FGF1: variants seen among roughly 807,000 people sequenced by gnomAD.
FGF1 encodes the protein fibroblast growth factor 1, also known as beta-endothelial cell growth factor.
FGF1 carries 9 observed loss-of-function variants against 13.4 expected under a neutral mutation model. That is an observed-to-expected ratio of 0.67 (90% CI 0.40 to 1.17). The LOEUF is 1.17. FGF1 is among the 50% of genes most tolerant of loss of function. The pLI is 0.01. For synonymous variants in FGF1, 93 were observed against 79.0 expected (o/e 1.18, Z -0.94); for missense variants, 156 against 192.7 (o/e 0.81, Z 1.13).
rs985861366 is a variant in FGF1, at chr5:142,592,429, G to GA, written c.*2860dup. ...GTTCATACACACTGTTGGCCATTGT[G>GA]AATCTTTCTTATCATGCCTTCCAAG... On this transcript the variant is annotated 3_prime_UTR_variant, in exon 4 of 4. Coordinates refer to ENST00000337706, the MANE Select transcript of FGF1 (RefSeq NM_000800.5). 3 of 398,408 alleles carry GA rather than the reference G, an allele frequency of 7.5e-6. No homozygotes were observed. The highest frequency in any genetic ancestry group is 6.2e-5 in the African/African-American group (3 of 48,618). The allele number at this position is 398,408 out of a possible 1,614,324, so 24.7% of individuals were successfully genotyped here.
intron 1 of FGF1, among the ~76,000 whole-genome samples, chr5:142,646,208 CTTTTTTTTTTT>C (rs762008952): frequency 0.013 from 697 of 55,036 alleles, 21 homozygotes; most frequent in African/African-American, 0.047. Context: ...CGCACCTGGC[CTTTTTTTTTTT>C]TTTTTTTTTT....
At chr5:142,608,559 T>TACAC (rs1758270712) in intron 2 of FGF1, among the ~76,000 whole-genome samples, 1 of 80,894 alleles carries the variant, frequency 1.2e-5, no homozygotes, top group African/African-American at 7.9e-5. Context: ...TATATATATA[T>TACAC]ATATATATAT....
At chr5:142,638,659 A>T (rs1450082182) in intron 1 of FGF1, among the ~76,000 whole-genome samples, 1 of 152,066 alleles carries the variant, frequency 6.6e-6, no homozygotes, top group Non-Finnish European at 1.5e-5. Context: ...AAAAGCACAG[A>T]CAACAAAAGC....
intron 1 of FGF1, among the ~76,000 whole-genome samples, chr5:142,620,294 T>G (rs1761293608): frequency 6.6e-6 from 1 of 151,982 alleles, no homozygotes; most frequent in Non-Finnish European, 1.5e-5. Flanking sequence ...GGTGGGCGCC[T>G]GTAGTCCCAG....
intron 1 of FGF1, among the ~76,000 whole-genome samples, chr5:142,653,953 G>A (rs904171973): frequency 6.6e-6 from 1 of 152,138 alleles, no homozygotes; most frequent in African/African-American, 2.4e-5. Flanking sequence ...TTAGCTGGGC[G>A]TGGTGGCGTG....
intron 1 of FGF1, among the ~76,000 whole-genome samples, chr5:142,683,821 C>CAAAA (rs768317949): frequency 0.05 from 2,474 of 49,638 alleles, 74 homozygotes; most frequent in Non-Finnish European, 0.067. Context: ...AACTCTGTCT[C>CAAAA]AAAAAAAAAA....
intron 2 of FGF1, among the ~76,000 whole-genome samples, chr5:142,607,953 C>G (rs770928249): frequency 1.3e-5 from 2 of 152,164 alleles, no homozygotes; most frequent in Admixed American, 6.6e-5. Context: ...TTCTCCTCTG[C>G]TCCCCAAAGC....
At position 142,646,413 on chromosome 5, in the gene FGF1, C is replaced by T. The variant is rs769357042; in HGVS notation, c.-34-32252G>A. On this transcript the variant is annotated intron_variant, in intron 1 of 3. Transcript: ENST00000337706. ...TCCCCCAGACTGGAGTGCAGTGGCG[C>T]GCAATCTCGGCTCACTGCAAATTCC... Among the ~76,000 whole-genome samples the T allele has an allele frequency of 6.0e-5, 9 of 150,956 alleles. No homozygotes were observed. In the South Asian group the frequency reaches 1.0e-3, roughly 18 times the overall value.
chr5:142,614,084 T>A lies in FGF1; in HGVS notation c.44A>T (p.Lys15Met). The A allele has an allele frequency of 6.2e-7, 1 of 1,614,234 alleles. No individual in the cohort carries two copies. Among genetic ancestry groups the A allele is most frequent in the Non-Finnish European group, 8.5e-7 (1 of 1,180,028 alleles). Residue 15 changes from lysine to methionine, a missense_variant, in exon 2 of 4, where the codon AAG becomes ATG. Physicochemically the swap from Lys to Met is moderately conservative, Grantham distance 95. Coordinates refer to ENST00000337706, the MANE Select transcript of FGF1 (RefSeq NM_000800.5). ...GTAATTCCCTGGAGGCAGATTAAAC[T>A]TCTCGGTCAGGGCTGTGAAGGTGGT... ...EITTFTALTE[K>M]FNLPPGNYKK...
intron 1 of FGF1, among the ~76,000 whole-genome samples, chr5:142,622,010 A>G (rs1202125485): frequency 6.6e-6 from 1 of 152,224 alleles, no homozygotes; most frequent in Non-Finnish European, 1.5e-5. Flanking sequence ...CATGGCTCTT[A>G]CTACCAGTGT....
chr5:142,608,435 A>G (rs976405433), intron 2 of FGF1, among the ~76,000 whole-genome samples: 1 of 151,622 alleles, frequency 6.6e-6, no homozygotes, highest in Non-Finnish European at 1.5e-5. Context: ...TTGGTAAAAC[A>G]TTAGAGAAAG....
rs201372039 is a variant in FGF1 at position 142,597,073 on chromosome 5, T to TA, written c.274-1590dup. 4.6e-3 allele frequency among the ~76,000 whole-genome samples: 702 copies of TA among 151,894 alleles called. 6 individuals carry two copies. Among genetic ancestry groups the TA allele is most frequent in the African/African-American group, 0.014 (595 of 41,454 alleles). ...ATGTTAGCTATCCTATGTGCAAAGA[T>TA]AAAAAAAAATTTGTGCAAAGATAAA... On this transcript the variant is annotated intron_variant, in intron 3 of 3. Transcript: ENST00000337706.
intron 3 of FGF1, 136 bp downstream of exon 3, chr5:142,600,566 A>T: frequency 1.5e-6 from 1 of 685,984 alleles, no homozygotes. Context: ...AAGCAGAGTG[A>T]GGGTGGGAAT....
At chr5:142,600,620 A>G (rs978227156) in intron 3 of FGF1, 82 bp downstream of exon 3, 2 of 886,280 alleles carry the variant, frequency 2.3e-6, no homozygotes, top group African/African-American at 3.3e-5. Context: ...GTTGCTTTAT[A>G]GTTTGCCTCA....
rs537615312 is a variant in FGF1, at chr5:142,613,859, T to C, written c.169+100A>G. Reference sequence around the variant, plus strand: ...GAATGTGTCATGCCTGAATAGAACCTTGGAGAAGCAAGTACCTGTACTTAA... The same window carrying C: ...GAATGTGTCATGCCTGAATAGAACCCTGGAGAAGCAAGTACCTGTACTTAA... On this transcript the variant is annotated intron_variant, in intron 2 of 3. Transcript: ENST00000337706. 1.3e-5 allele frequency: 17 copies of C among 1,265,530 alleles called. No individual in the cohort carries two copies. In the African/African-American group the frequency reaches 2.1e-4, roughly 16 times the overall value. 78.4% of individuals were successfully genotyped at this position (1,265,530 alleles called of 1,614,324 possible). A position where few individuals can be genotyped will look rare whatever the true frequency, so the allele number is the denominator to read the frequency against.
chr5:142,665,585 C>T (rs1407241014), intron 1 of FGF1, among the ~76,000 whole-genome samples: 3 of 152,156 alleles, frequency 2.0e-5, no homozygotes, highest in East Asian at 1.9e-4. Context: ...CCTCTGTCCT[C>T]CCGGAATTCC....
At chr5:142,596,749 G>C (rs138317592) in intron 3 of FGF1, among the ~76,000 whole-genome samples, 113 of 148,704 alleles carry the variant, frequency 7.6e-4, no homozygotes, top group African/African-American at 2.9e-3. Flanking sequence ...TGTCTCTAAA[G>C]AGTAATAAAA....
In FGF1 at chr5:142,613,974, T is replaced by G; in HGVS notation, c.154A>C (p.Arg52=). 5.0e-6 allele frequency: 8 copies of G among 1,614,056 alleles called. No individual in the cohort carries two copies. Among genetic ancestry groups the G allele is most frequent in the Non-Finnish European group, 6.8e-6 (8 of 1,180,016 alleles). ...ATGGGCTTACTGTGCTGGTCGCTCC[T>G]GTCCCTTGTCCCATCCACTGTGCCA... The part of the protein sequence containing the change: ...PDGTVDGTRD[R]SDQHIQLQLS... Residue 52 remains arginine, a synonymous_variant, in exon 2 of 4, where the codon AGG becomes CGG. Coordinates refer to ENST00000337706, the MANE Select transcript of FGF1 (RefSeq NM_000800.5).
intron 1 of FGF1, among the ~76,000 whole-genome samples, chr5:142,624,879 C>T (rs1211539109): frequency 6.6e-6 from 1 of 152,252 alleles, no homozygotes; most frequent in African/African-American, 2.4e-5. Context: ...CTAGCCCAAA[C>T]TGTCCTGAGA....
Sources: gnomAD v4.1 joint callset for allele counts (sites outside exome capture counted in the v4.1 genomes callset) on GRCh38, gnomAD v4.1.1 for gene constraint, MANE v1.5 for transcripts, NCBI Gene and HGNC (gene_info 2026-07-23, HGNC 2026-07-21) for gene names.